WDPCP: variants seen among roughly 807,000 people sequenced by gnomAD.
WDPCP encodes WD repeat containing planar cell polarity effector.
Under a neutral mutation model 93.1 loss-of-function variants are expected in WDPCP, and 71 were observed. The observed-to-expected ratio is 0.76, with a 90% confidence interval of 0.63 to 0.93. The LOEUF (loss-of-function observed/expected upper bound fraction) is 0.93. Among genes scored for constraint, WDPCP ranks in the 40% least tolerant of loss-of-function variants. WDPCP has a pLI of 0.00. For missense variants in WDPCP, 844 were observed against 887.4 expected (o/e 0.95, Z 0.62); for synonymous variants, 315 against 315.0 (o/e 1.00, Z 0.00).
chr2:63,495,051 C>G (rs1337230411), intron 1 of WDPCP, among the ~76,000 whole-genome samples: 1 of 151,760 alleles, frequency 6.6e-6, no homozygotes, highest in Non-Finnish European at 1.5e-5. Context: ...TTGGGTTGAT[C>G]TGAATTTACT....
upstream of WDPCP, chr2:63,590,738 G>A (rs1558857663): frequency 6.6e-6 from 1 of 152,142 alleles, no homozygotes; most frequent in African/African-American, 2.4e-5. Flanking sequence ...AAGGTCACTG[G>A]GGTGCCAGAT....
intron 3 of WDPCP, among the ~76,000 whole-genome samples, chr2:63,618,965 A>C (rs1258225832): frequency 6.6e-6 from 1 of 152,230 alleles, no homozygotes; most frequent in Non-Finnish European, 1.5e-5. Flanking sequence ...CTGGGATTAC[A>C]GGCATGAGCC....
chr2:63,721,579 T>A (rs1282786900), intron 2 of WDPCP, among the ~76,000 whole-genome samples: 1 of 152,174 alleles, frequency 6.6e-6, no homozygotes, highest in Non-Finnish European at 1.5e-5. Context: ...CCAGTAACTT[T>A]CTCATTCTCC....
At chr2:63,408,233 C>T (rs1355592736) in intron 9 of WDPCP, among the ~76,000 whole-genome samples, 4 of 152,092 alleles carry the variant, frequency 2.6e-5, no homozygotes, top group East Asian at 1.9e-4. Context: ...TCCTGCAGGA[C>T]CCAGGAGACA....
intron 3 of WDPCP, among the ~76,000 whole-genome samples, chr2:63,612,944 T>A (rs1326453950): frequency 6.6e-6 from 1 of 151,682 alleles, no homozygotes; most frequent in Non-Finnish European, 1.5e-5. Context: ...TTTTTTTTTT[T>A]ACTTCTTAGC....
In WDPCP at chr2:63,825,105, A is replaced by T. The variant is rs554036416; in HGVS notation, n.222+2517T>A. Among the ~76,000 whole-genome samples, 5 of 152,304 alleles carry T rather than the reference A, an allele frequency of 3.3e-5. No homozygotes were observed. The East Asian group carries it at 7.7e-4, about 23-fold the overall frequency. The stretch of plus-strand genomic sequence containing the variant: ...TTACAAAAGAAAGGGTGAATGACTT[A>T]GAAACATTTGAAAAAATTTCAGTCT... On this transcript the variant is annotated intron_variant and non_coding_transcript_variant, in intron 1 of 4. Transcript: ENST00000467687.
chr2:63,604,805 A>G lies in WDPCP; in HGVS notation n.488+45854T>C, dbSNP rs1012087599. On this transcript the variant is annotated intron_variant and non_coding_transcript_variant, in intron 3 of 4. Transcript: ENST00000467687. Reference sequence around the variant, plus strand: ...GTCAACCATGCCAAGGTGAAATTGCAAGGAAAGGAAGTTGGTGTTTATGAA... The same window carrying G: ...GTCAACCATGCCAAGGTGAAATTGCGAGGAAAGGAAGTTGGTGTTTATGAA... 8.7e-6 allele frequency: 14 copies of G among 1,614,080 alleles called. No individual in the cohort carries two copies. The African/African-American group carries it at 1.9e-4, about 22-fold the overall frequency.
At chr2:63,349,520 G>A (rs1689431872) in intron 12 of WDPCP, among the ~76,000 whole-genome samples, 1 of 151,858 alleles carries the variant, frequency 6.6e-6, no homozygotes, top group African/African-American at 2.4e-5. Context: ...AATTATTTCT[G>A]ATTAAATTAT....
At chr2:63,755,914 A>G (rs1173534550) in intron 2 of WDPCP, among the ~76,000 whole-genome samples, 1 of 152,240 alleles carries the variant, frequency 6.6e-6, no homozygotes, top group Non-Finnish European at 1.5e-5. Context: ...AATGTTTCCT[A>G]TGCACTGACT....
chr2:63,133,265 T>C (rs1158720065), intron 17 of WDPCP, among the ~76,000 whole-genome samples: 1 of 152,176 alleles, frequency 6.6e-6, no homozygotes, highest in African/African-American at 2.4e-5. Flanking sequence ...ATCTGTAGGG[T>C]CTCTCTGCAG....
At chr2:63,765,138 A>G (rs1336475183) in intron 2 of WDPCP, among the ~76,000 whole-genome samples, 1 of 152,200 alleles carries the variant, frequency 6.6e-6, no homozygotes, top group African/African-American at 2.4e-5. Flanking sequence ...CTACATAAAT[A>G]TTGACTACAA....
intron 2 of WDPCP, among the ~76,000 whole-genome samples, chr2:63,778,522 T>C (rs766236982): frequency 6.6e-6 from 1 of 152,162 alleles, no homozygotes; most frequent in Non-Finnish European, 1.5e-5. Flanking sequence ...TGTCCACTTG[T>C]TGAACTTCTT....
At chr2:63,603,001 C>T (rs1186368721) in intron 3 of WDPCP, among the ~76,000 whole-genome samples, 1 of 121,556 alleles carries the variant, frequency 8.2e-6, no homozygotes, top group Non-Finnish European at 1.7e-5. Flanking sequence ...GCCCTGTCGC[C>T]TAGGCTGGAG....
chr2:63,587,631 T>C (rs569057308), intron 1 of WDPCP, among the ~76,000 whole-genome samples: 79 of 152,378 alleles, frequency 5.2e-4, no homozygotes, highest in African/African-American at 1.8e-3. Flanking sequence ...GCATCATATC[T>C]TCCTTTTAAC....
At chr2:63,414,469 A>G (rs1341331158) in intron 9 of WDPCP, among the ~76,000 whole-genome samples, 1 of 131,634 alleles carries the variant, frequency 7.6e-6, no homozygotes, top group East Asian at 2.3e-4. Flanking sequence ...ATACACACAC[A>G]TATACACACA....
intron 13 of WDPCP, among the ~76,000 whole-genome samples, chr2:63,309,972 G>C (rs944645441): frequency 3.3e-5 from 5 of 152,084 alleles, no homozygotes; most frequent in African/African-American, 1.2e-4. Context: ...CTTTCAGGTA[G>C]AGACTACTTG....
chr2:63,337,320 T>A (rs1688455242), intron 12 of WDPCP, among the ~76,000 whole-genome samples: 1 of 52,058 alleles, frequency 1.9e-5, no homozygotes, highest in Non-Finnish European at 3.0e-5. Flanking sequence ...TGACATGATT[T>A]CATTTTTGAT....
At chr2:63,589,151 C>A, upstream of WDPCP, 1 of 1,612,520 alleles carries the variant, frequency 6.2e-7, no homozygotes, top group Non-Finnish European at 8.5e-7. Context: ...AAGGCACTGT[C>A]CTTCGCGCCC....
At chr2:63,213,035 C>A (rs942325534) in intron 14 of WDPCP, among the ~76,000 whole-genome samples, 18 of 152,144 alleles carry the variant, frequency 1.2e-4, no homozygotes, top group Admixed American at 1.1e-3. Flanking sequence ...GAGACTCAGA[C>A]ACCCCACTGT....
Sources: gnomAD v4.1 joint callset for allele counts (sites outside exome capture counted in the v4.1 genomes callset) on GRCh38, gnomAD v4.1.1 for gene constraint, MANE v1.5 for transcripts, NCBI Gene and HGNC (gene_info 2026-07-23, HGNC 2026-07-21) for gene names.